AGL: variants seen among roughly 807,000 people sequenced by gnomAD.
AGL encodes the protein amylo-alpha-1,6-glucosidase and 4-alpha-glucanotransferase, also known as glycogen debranching enzyme.
AGL carries 128 observed loss-of-function variants against 199.3 expected under a neutral mutation model. The observed-to-expected ratio is 0.64, with a 90% CI of 0.56 to 0.74. AGL has a LOEUF of 0.74. Among genes scored for constraint, AGL ranks in the 30% least tolerant of loss-of-function variants. The probability of loss-of-function intolerance (pLI) is 0.00; values close to 1 mark genes in which losing one functional copy is unlikely to be tolerated. For synonymous variants in AGL, 584 were observed against 594.7 expected (o/e 0.98, Z 0.26); for missense variants, 1,809 against 1,820.8 (o/e 0.99, Z 0.12).
At chr1:99,909,176 C>T (rs575100102) in intron 27 of AGL, among the ~76,000 whole-genome samples, 10 of 152,100 alleles carry the variant, frequency 6.6e-5, no homozygotes, top group East Asian at 1.9e-4. Flanking sequence ...CTGTCCCTAA[C>T]GACCTGCTTC....
intron 27 of AGL, among the ~76,000 whole-genome samples, chr1:99,906,300 C>T (rs141898395): frequency 2.6e-4 from 39 of 152,282 alleles, no homozygotes; most frequent in African/African-American, 8.7e-4. Context: ...AAGAGTTGTA[C>T]ATACTTAGCA....
At position 99,875,475 on chromosome 1, in the gene AGL, T is replaced by C; in HGVS notation, c.1283+20T>C. The C allele has an allele frequency of 6.2e-7, 1 of 1,603,782 alleles. No homozygotes were observed. Among genetic ancestry groups the C allele is most frequent in the Non-Finnish European group, 8.5e-7 (1 of 1,170,710 alleles). Reference sequence around the variant, plus strand: ...TACCAGGTGTTGCATTTTTGTTTTTTTTCTTATTGATGGTTGAAAACTGAA... The same window carrying C: ...TACCAGGTGTTGCATTTTTGTTTTTCTTCTTATTGATGGTTGAAAACTGAA... On this transcript the variant is annotated intron_variant, in intron 10 of 33. Transcript: ENST00000361915.
At chr1:99,893,616 T>C (rs1390344322) in intron 24 of AGL, among the ~76,000 whole-genome samples, 1 of 152,210 alleles carries the variant, frequency 6.6e-6, no homozygotes, top group Non-Finnish European at 1.5e-5. Context: ...ACTGCTGTTG[T>C]TAAACATCTT....
In AGL at chr1:99,872,640, T is replaced by G. The variant is rs1462249162; in HGVS notation, c.958+1771T>G. Reference sequence around the variant, plus strand: ...GCCTCCCAGGTTCAAGTGATTCTCCTGCCTCAGCCTCCCAAGTAGCTGAAA... The same window carrying G: ...GCCTCCCAGGTTCAAGTGATTCTCCGGCCTCAGCCTCCCAAGTAGCTGAAA... On this transcript the variant is annotated intron_variant, in intron 7 of 33. Transcript: ENST00000361915. Among the ~76,000 whole-genome samples the G allele has an allele frequency of 2.0e-5, 3 of 152,008 alleles. No homozygotes were observed. In the East Asian group the frequency reaches 5.8e-4, roughly 29 times the overall value.
At chr1:99,872,829 T>C (rs1651139555) in intron 7 of AGL, among the ~76,000 whole-genome samples, 1 of 152,224 alleles carries the variant, frequency 6.6e-6, no homozygotes, top group Non-Finnish European at 1.5e-5. Context: ...GCCCAGCCTT[T>C]TAAGTTACAT....
At position 99,915,402 on chromosome 1, in the gene AGL, T is replaced by G. The variant is rs1480194313; in HGVS notation, c.4175T>G (p.Phe1392Cys). The G allele has an allele frequency of 6.2e-7, 1 of 1,613,972 alleles. No homozygotes were observed. The highest frequency in any genetic ancestry group is 1.3e-5 in the African/African-American group (1 of 75,008). The change falls in exon 31 of 34, where the codon TTT (phenylalanine) becomes TGT (cysteine). Residue 1392 changes from phenylalanine (F) to cysteine (C), a missense_variant. Coordinates refer to ENST00000361915, the MANE Select transcript of AGL (RefSeq NM_000642.3). ...TIAMVVAPEL[F>C]TTEKAWKALE... ...GGCATTCACTAGGCCCCTGAGCTCTTTACTACAGAAAAAGCATGGAAAGCT... is the reference window on the plus strand; with the variant it reads ...GGCATTCACTAGGCCCCTGAGCTCTGTACTACAGAAAAAGCATGGAAAGCT...
At chr1:99,879,583 T>C (rs965233621) in intron 12 of AGL, among the ~76,000 whole-genome samples, 7 of 149,878 alleles carry the variant, frequency 4.7e-5, no homozygotes, top group African/African-American at 1.7e-4. Context: ...AAACTTGGTC[T>C]CAATAAATAA....
At chr1:99,859,138 A>G (rs1014640343) in intron 2 of AGL, among the ~76,000 whole-genome samples, 3 of 152,158 alleles carry the variant, frequency 2.0e-5, no homozygotes, top group Non-Finnish European at 2.9e-5. Flanking sequence ...TGCTGTTTGT[A>G]CTTGTTCAAA....
intron 28 of AGL, among the ~76,000 whole-genome samples, chr1:99,911,434 T>C (rs1654744404): frequency 6.6e-6 from 1 of 152,184 alleles, no homozygotes; most frequent in Admixed American, 6.5e-5. Flanking sequence ...TGAGAAGTTA[T>C]TTTCTTATTC....
At chr1:99,895,843 G>A (rs1442677918) in intron 24 of AGL, among the ~76,000 whole-genome samples, 1 of 152,176 alleles carries the variant, frequency 6.6e-6, no homozygotes, top group Non-Finnish European at 1.5e-5. Context: ...AGGCATGGTG[G>A]TGTCTACCTG....
At chr1:99,910,574 A>G (rs1654665799) in intron 27 of AGL, 138 bp from the exon 28 acceptor site, 2 of 334,710 alleles carry the variant, frequency 6.0e-6, no homozygotes, top group Admixed American at 9.6e-5. Context: ...ATACAAAATA[A>G]TAAGATACCA....
chr1:99,915,065 T>C (rs7554622), intron 30 of AGL, among the ~76,000 whole-genome samples: 93,286 of 151,980 alleles, frequency 0.61, 28,878 homozygotes, highest in Non-Finnish European at 0.66. Flanking sequence ...GGTGACAGAG[T>C]GAGACCCTGT....
At chr1:99,895,369 C>T (rs1226451993) in intron 24 of AGL, among the ~76,000 whole-genome samples, 1 of 152,080 alleles carries the variant, frequency 6.6e-6, no homozygotes, top group Non-Finnish European at 1.5e-5. Flanking sequence ...GTATATAAAA[C>T]CTCCAATTAC....
In AGL at chr1:99,878,964, G is replaced by C. The variant is rs919742062; in HGVS notation, c.1612-959G>C. Reference sequence around the variant, plus strand: ...AATTACAAAATCTAGGATTCTACTTGTTAGCTAATAGAGTTTCAAGTATTT... The same window carrying C: ...AATTACAAAATCTAGGATTCTACTTCTTAGCTAATAGAGTTTCAAGTATTT... On this transcript the variant is annotated intron_variant, in intron 12 of 33. Transcript: ENST00000361915. Among the ~76,000 whole-genome samples, 4 of 152,064 alleles carry C rather than the reference G, an allele frequency of 2.6e-5. No homozygotes were observed. In the East Asian group the frequency reaches 7.7e-4, roughly 29 times the overall value.
intron 14 of AGL, 34 bp from the exon 15 acceptor site, chr1:99,881,042 A>C (rs1651971410): frequency 6.4e-7 from 1 of 1,565,094 alleles, no homozygotes; most frequent in African/African-American, 1.4e-5. Flanking sequence ...TTTGAAAGAA[A>C]GCAAACTTTT....
In AGL at chr1:99,862,409, T is replaced by C. The variant is rs775949605; in HGVS notation, c.446T>C (p.Val149Ala). The change falls in exon 4 of 34, where the codon GTT becomes GCT. Residue 149 changes from valine (V) to alanine (A), a missense_variant. By Grantham distance (64) the Val-to-Ala change is moderately conservative. Coordinates refer to ENST00000361915, the MANE Select transcript of AGL (RefSeq NM_000642.3). Reference sequence around the variant, plus strand: ...GATGAATGGGAAAGCAGACTTAGGGTTGCAAAAGAATCAGGTAATGTCAGC... The same window carrying C: ...GATGAATGGGAAAGCAGACTTAGGGCTGCAAAAGAATCAGGTAATGTCAGC... ...PFDEWESRLR[V>A]AKESGYNMIH... 1 of 1,614,128 alleles carries C rather than the reference T, an allele frequency of 6.2e-7. No homozygotes were observed. Among genetic ancestry groups the C allele is most frequent in the Non-Finnish European group, 8.5e-7 (1 of 1,180,004 alleles).
At chr1:99,911,734 C>T (rs1484081345) in intron 28 of AGL, among the ~76,000 whole-genome samples, 1 of 152,206 alleles carries the variant, frequency 6.6e-6, no homozygotes, top group Non-Finnish European at 1.5e-5. Flanking sequence ...TGAGCCACTG[C>T]ACTCGGCCTT....
At chr1:99,897,965 A>T (rs1653464942) in intron 25 of AGL, among the ~76,000 whole-genome samples, 1 of 152,156 alleles carries the variant, frequency 6.6e-6, no homozygotes, top group Non-Finnish European at 1.5e-5. Context: ...GCTTAATTTT[A>T]CATAGAACTG....
Position 99,881,180 on chromosome 1 carries a change from T to G in AGL, c.2001+3T>G, listed in dbSNP as rs1392738838. 6.2e-7 allele frequency: 1 copy of G among 1,613,484 alleles called. No homozygotes were observed. The highest frequency in any genetic ancestry group is 1.3e-5 in the African/African-American group (1 of 74,910). ...ATGATGAATTAGTGCCTCATCAGGT[T>G]TGTTTATATGTTGTTTCTTAAAACC... On this transcript the variant is annotated splice_donor_region_variant and intron_variant, in intron 15 of 33. Transcript: ENST00000361915.
Sources: allele counts gnomAD v4.1 joint callset (sites outside exome capture counted in the v4.1 genomes callset), GRCh38; gene constraint gnomAD v4.1.1; transcripts MANE v1.5; gene names NCBI Gene and HGNC (gene_info 2026-07-23, HGNC 2026-07-21).